The following ASXL3 variants were observed in gnomAD, a reference collection of about 807,000 sequenced individuals.
The protein encoded by ASXL3 is putative Polycomb group protein ASXL3.
In ASXL3, 34 loss-of-function variants were observed where a neutral mutation model predicts 170.6. That is an observed-to-expected ratio of 0.20 (90% CI 0.15 to 0.27). ASXL3 has a LOEUF of 0.27. Among genes scored for constraint, ASXL3 ranks in the 10% least tolerant of loss-of-function variants. ASXL3 has a pLI of 1.00. For missense variants in ASXL3, 2,592 were observed against 2,695.3 expected, an observed-to-expected ratio of 0.96 and a Z score of 0.85; for synonymous variants, 1,002 against 989.1, an observed-to-expected ratio of 1.01 and a Z score of -0.24.
rs1019750234 is a variant in ASXL3, at chr18:33,646,258, C to T, written c.260C>T (p.Ser87Leu). The T allele has an allele frequency of 2.0e-5, 32 of 1,610,876 alleles. No homozygotes were observed. The highest frequency in any genetic ancestry group is 2.7e-5 in the African/African-American group (2 of 74,760). ...GLYALKKEES[S>L]CPADGTLDLV... is the part of the protein sequence containing the mutation. ...AAAATAATACAGAAAGAGGAGTCGTCATGCCCAGCAGATGGCACGTTGGAT... is the reference window on the plus strand; with the variant it reads ...AAAATAATACAGAAAGAGGAGTCGTTATGCCCAGCAGATGGCACGTTGGAT... The change falls in exon 4 of 12, where the codon TCA becomes TTA. Residue 87 changes from serine to leucine, a missense_variant. By Grantham distance (145) the Ser-to-Leu change is moderately radical. Coordinates refer to ENST00000269197, the MANE Select transcript of ASXL3 (RefSeq NM_030632.3).
chr18:33,738,935 ACTTTGCCTCATATTGAAG>A lies in ASXL3; in HGVS notation c.1532_1549del (p.Thr511_Val517delinsIle). ...TGTTATGATGAATGATGTTTTAGAA[ACTTTGCCTCATATTGAAG>A]TTAAGATAGAAGGGAAGTCAGAATC... On this transcript the variant is annotated inframe_deletion, in exon 11 of 12. Coordinates refer to ENST00000269197, the MANE Select transcript of ASXL3 (RefSeq NM_030632.3). 14 of 1,613,618 alleles carry A rather than the reference ACTTTGCCTCATATTGAAG, an allele frequency of 8.7e-6. No homozygotes were observed. The highest frequency in any genetic ancestry group is 1.1e-5 in the Non-Finnish European group (13 of 1,179,758).
At chr18:33,730,120 C>T (rs1416149735) in intron 8 of ASXL3, among the ~76,000 whole-genome samples, 1 of 152,110 alleles carries the variant, frequency 6.6e-6, no homozygotes, top group Non-Finnish European at 1.5e-5. Flanking sequence ...CTCCACAGGA[C>T]ATTTGGCCAT....
At chr18:33,734,287 A>G (rs773039931) in intron 9 of ASXL3, 23 bp from the exon 10 acceptor site, 76 of 1,524,646 alleles carry the variant, frequency 5.0e-5, no homozygotes, top group South Asian at 2.1e-4. Flanking sequence ...CATTTATTCA[A>G]TACATTAGCA....
intron 4 of ASXL3, among the ~76,000 whole-genome samples, chr18:33,652,470 A>G (rs1029006436): frequency 6.6e-6 from 1 of 152,130 alleles, no homozygotes; most frequent in Admixed American, 6.6e-5. Context: ...CTTTTAAATG[A>G]GGAAACTAGA....
At chr18:33,688,490 T>C (rs1422586596) in intron 8 of ASXL3, among the ~76,000 whole-genome samples, 3 of 152,196 alleles carry the variant, frequency 2.0e-5, no homozygotes, top group Non-Finnish European at 4.4e-5. Flanking sequence ...AACATATACA[T>C]AGATTACTGT....
At chr18:33,676,943 C>T (rs1342046587) in intron 7 of ASXL3, among the ~76,000 whole-genome samples, 2 of 152,178 alleles carry the variant, frequency 1.3e-5, no homozygotes, top group Non-Finnish European at 2.9e-5. Flanking sequence ...TTGTTTTCTA[C>T]ATCTTGATAT....
At chr18:33,635,258 A>G (rs2065747195) in intron 2 of ASXL3, among the ~76,000 whole-genome samples, 1 of 152,212 alleles carries the variant, frequency 6.6e-6, no homozygotes. Flanking sequence ...CAGCTTGTAC[A>G]AGTCATATAA....
chr18:33,627,264 A>C (rs1384884598), intron 2 of ASXL3, among the ~76,000 whole-genome samples: 1 of 152,124 alleles, frequency 6.6e-6, no homozygotes, highest in East Asian at 1.9e-4. Context: ...TGTCGCTCAC[A>C]TATGTTATTT....
intron 11 of ASXL3, 67 bp from the exon 12 acceptor site, chr18:33,742,821 A>G (rs1451658932): frequency 4.7e-6 from 7 of 1,494,612 alleles, no homozygotes; most frequent in Non-Finnish European, 5.3e-6. Flanking sequence ...GCATTATCAC[A>G]TTCTACGTGC....
intron 4 of ASXL3, among the ~76,000 whole-genome samples, chr18:33,646,886 G>GC (rs539087846): frequency 2.0e-5 from 3 of 146,912 alleles, no homozygotes; most frequent in Admixed American, 6.8e-5. Context: ...GGAGCGGGGG[G>GC]GGGGGGCATT....
chr18:33,582,704 TTCTG>T (rs2065003264), intron 1 of ASXL3, among the ~76,000 whole-genome samples: 1 of 132,630 alleles, frequency 7.5e-6, no homozygotes, highest in Non-Finnish European at 1.6e-5. Context: ...GTTGGTTTTT[TTCTG>T]TGTGTGTGTG....
chr18:33,716,291 G>GTGTT (rs1007006236), intron 8 of ASXL3, among the ~76,000 whole-genome samples: 5 of 152,208 alleles, frequency 3.3e-5, no homozygotes, highest in African/African-American at 1.2e-4. Context: ...GAGCTTTCAT[G>GTGTT]TGTTTGGGAA....
chr18:33,644,478 G>GTT (rs75956043), intron 2 of ASXL3, among the ~76,000 whole-genome samples: 12 of 135,116 alleles, frequency 8.9e-5, no homozygotes, highest in Non-Finnish European at 1.6e-4. Flanking sequence ...GGGTTTTTTT[G>GTT]TTTTTTTTTT....
chr18:33,740,307 A>G lies in ASXL3; in HGVS notation c.2903A>G (p.Glu968Gly). 1 of 1,612,006 alleles carries G rather than the reference A, an allele frequency of 6.2e-7. No homozygotes were observed. Among genetic ancestry groups the G allele is most frequent in the Non-Finnish European group, 8.5e-7 (1 of 1,178,860 alleles). ...DSEISKRKTA[E>G]QHSFGICKEK... ...GAGATATCAAAGAGAAAAACTGCAG[A>G]GCAACACAGCTTTGGAATCTGTAAG... Residue 968 changes from glutamate (E) to glycine (G), a missense_variant, in exon 11 of 12, where the codon GAG becomes GGG. By Grantham distance (98) the Glu-to-Gly change is moderately conservative (BLOSUM62 -2). This residue lies in a region of ASXL3 where 2,246 missense variants were observed against 2,219.6 expected (regional missense o/e 1.01). Transcript: ENST00000269197.
At position 33,699,579 on chromosome 18, in the gene ASXL3, G is replaced by T. The variant is rs113809555; in HGVS notation, c.879+16011G>T. Among the ~76,000 whole-genome samples, 91 of 152,226 alleles carry T rather than the reference G, an allele frequency of 6.0e-4. 1 individual carries two copies. The highest frequency in any genetic ancestry group is 1.9e-3 in the African/African-American group (78 of 41,556). On this transcript the variant is annotated intron_variant, in intron 8 of 11. Transcript: ENST00000269197. The stretch of plus-strand genomic sequence containing the variant: ...GGTGATCTTGACAGACACAATTTTA[G>T]TAGCATTCTTGGGGTGAAAAACTAG...
rs747123273 is a variant in ASXL3 at position 33,739,494 on chromosome 18, A to G, written c.2090A>G (p.Asn697Ser). The change falls in exon 11 of 12, where the codon AAC (asparagine) becomes AGC (serine). Residue 697 changes from asparagine (N) to serine (S), a missense_variant. Physicochemically the swap from Asn to Ser is conservative, Grantham distance 46 (BLOSUM62 1). Coordinates refer to ENST00000269197, the MANE Select transcript of ASXL3 (RefSeq NM_030632.3). ...PEISEASLMSNLPLTSEASPV... is the reference protein window; with the variant it reads ...PEISEASLMSSLPLTSEASPV... ...ATATCAGAAGCATCTCTTATGTCCAACTTACCATTAACATCTGAAGCATCA... is the reference window on the plus strand; with the variant it reads ...ATATCAGAAGCATCTCTTATGTCCAGCTTACCATTAACATCTGAAGCATCA... The G allele has an allele frequency of 4.3e-6, 7 of 1,613,946 alleles. No individual in the cohort carries two copies. The South Asian group carries it at 5.5e-5, about 13-fold the overall frequency.
Position 33,747,742 on chromosome 18 carries a change from G to GA in ASXL3, c.*1154dup, listed in dbSNP as rs1407106845. On this transcript the variant is annotated 3_prime_UTR_variant, in exon 12 of 12. Transcript: ENST00000269197. ...TCAACTTTGAAATAACCCTTATTTT[G>GA]AAAAAAACTGTTCTAGGTATGGCAT... 6.6e-6 allele frequency: 1 copy of GA among 151,910 alleles called. No individual in the cohort carries two copies. The highest frequency in any genetic ancestry group is 2.4e-5 in the African/African-American group (1 of 41,364). The allele number at this position is 151,910 out of a possible 1,614,324, so 9.4% of individuals were successfully genotyped here.
chr18:33,746,777 G>A lies in ASXL3; in HGVS notation c.*182G>A. 1.0e-6 allele frequency: 1 copy of A among 985,550 alleles called. No homozygotes were observed. The highest frequency in any genetic ancestry group is 1.4e-6 in the Non-Finnish European group (1 of 711,138). The allele number at this position is 985,550 out of a possible 1,614,324, so 61.1% of individuals were successfully genotyped here. A position where few individuals can be genotyped will look rare whatever the true frequency, so the allele number is the denominator to read the frequency against. On this transcript the variant is annotated 3_prime_UTR_variant, in exon 12 of 12. Transcript: ENST00000269197. ...ATAAAGGGGAGGATGCATCCCAACTGAATGGCTCACTGGCATGTCTTTTAT... is the reference window on the plus strand; with the variant it reads ...ATAAAGGGGAGGATGCATCCCAACTAAATGGCTCACTGGCATGTCTTTTAT...
chr18:33,748,122 G>A lies in ASXL3; in HGVS notation c.*1527G>A, dbSNP rs1034300340. The A allele has an allele frequency of 2.0e-5, 3 of 152,162 alleles. No individual in the cohort carries two copies. Among genetic ancestry groups the A allele is most frequent in the East Asian group, 1.9e-4 (1 of 5,162 alleles). 9.4% of individuals were successfully genotyped at this position (152,162 alleles called of 1,614,324 possible). ...TGTAGAATTTAAAAAGCAAACATGG[G>A]GGGGGTGGGGAATCATCTGTATCCA... On this transcript the variant is annotated 3_prime_UTR_variant, in exon 12 of 12. Coordinates refer to ENST00000269197, the MANE Select transcript of ASXL3 (RefSeq NM_030632.3).
Sources: gnomAD v4.1 joint callset for allele counts (sites outside exome capture counted in the v4.1 genomes callset) on GRCh38, gnomAD v4.1.1 for gene constraint, gnomAD v4.1.1 regional missense constraint, MANE v1.5 for transcripts, NCBI Gene and HGNC (gene_info 2026-07-23, HGNC 2026-07-21) for gene names.